Variants in SENP2 observed in about 807,000 individuals in gnomAD.
SENP2 encodes the protein SUMO specific peptidase 2.
A neutral mutation model predicts 86.3 loss-of-function variants in SENP2; 16 were observed. That is an observed-to-expected ratio of 0.19 (90% CI 0.13 to 0.28). The LOEUF is 0.28. SENP2 is among the 10% of genes least tolerant of loss of function. SENP2 has a pLI of 1.00. For synonymous variants in SENP2, 222 were observed against 238.7 expected (o/e 0.93, Z 0.64); for missense variants, 552 against 703.0 (o/e 0.79, Z 2.43).
chr3:185,586,438 C>T lies in SENP2; in HGVS notation c.25C>T (p.Leu9Phe). Reference sequence around the variant, plus strand: ...TATGTACAGATGGCTGGTTAGGATTCTCGGCACCATTTTCCGTTTCTGCGA... The same window carrying T: ...TATGTACAGATGGCTGGTTAGGATTTTCGGCACCATTTTCCGTTTCTGCGA... The part of the protein sequence containing the change: MYRWLVRI[L>F]GTIFRFCDRS... Residue 9 changes from leucine to phenylalanine, a missense_variant, in exon 1 of 17, where the codon CTC becomes TTC. By Grantham distance (22) the Leu-to-Phe change is conservative. Around this residue, in one of 2 missense-constraint regions of SENP2, gnomAD observed 383 missense variants for 427.3 expected, o/e 0.90. Transcript: ENST00000296257. This position sits in a 1 kb window ranked among gnomAD's most constrained non-coding sequence, Gnocchi z 4.3. 6 of 1,614,104 alleles carry T rather than the reference C, an allele frequency of 3.7e-6. No homozygotes were observed. Among genetic ancestry groups the T allele is most frequent in the Non-Finnish European group, 5.1e-6 (6 of 1,180,000 alleles).
intron 2 of SENP2, among the ~76,000 whole-genome samples, chr3:185,594,636 T>C (rs1722116996): frequency 1.4e-5 from 2 of 148,004 alleles, no homozygotes; most frequent in Non-Finnish European, 3.0e-5. Flanking sequence ...TTTTTTTTTT[T>C]TGGGACAGAG....
chr3:185,588,034 C>T (rs1481642097), intron 1 of SENP2, among the ~76,000 whole-genome samples: 2 of 147,162 alleles, frequency 1.4e-5, no homozygotes, highest in Non-Finnish European at 3.0e-5. Context: ...CCACAGCGCC[C>T]GGCCACTACC....
At chr3:185,604,349 T>C (rs1722442735) in intron 5 of SENP2, among the ~76,000 whole-genome samples, 1 of 152,206 alleles carries the variant, frequency 6.6e-6, no homozygotes, top group African/African-American at 2.4e-5. Flanking sequence ...TGGCCTAGAG[T>C]ATGGTCCAGT....
intron 6 of SENP2, 139 bp downstream of exon 6, chr3:185,606,637 G>A (rs1161063638): frequency 3.9e-6 from 3 of 765,888 alleles, no homozygotes; most frequent in Non-Finnish European, 6.1e-6. Context: ...ACAAAATGAG[G>A]CTGTCTTAAA....
chr3:185,614,371 G>A, intron 10 of SENP2, 193 bp from the exon 11 acceptor site: 1 of 540,932 alleles, frequency 1.8e-6, no homozygotes, highest in South Asian at 2.9e-5. Flanking sequence ...TGAGGGTCCT[G>A]TGAGGCCTAG....
At chr3:185,598,271 G>A (rs1722239397) in intron 2 of SENP2, 141 bp from the exon 3 acceptor site, 1 of 857,654 alleles carries the variant, frequency 1.2e-6, no homozygotes, top group Non-Finnish European at 1.8e-6. Context: ...CTCCCAAAGT[G>A]TTGGGATTAC....
At chr3:185,589,026 A>G (rs1333419723) in intron 1 of SENP2, among the ~76,000 whole-genome samples, 2 of 152,190 alleles carry the variant, frequency 1.3e-5, no homozygotes, top group African/African-American at 2.4e-5. Flanking sequence ...GCTTGTTGGA[A>G]TGTATAAAGT....
chr3:185,598,387 T>G, intron 2 of SENP2, 25 bp from the exon 3 acceptor site: 1 of 1,608,316 alleles, frequency 6.2e-7, no homozygotes, highest in Non-Finnish European at 8.5e-7. Flanking sequence ...TTACTTTATA[T>G]TTACAGTTTG....
chr3:185,591,429 G>A (rs1721993733), intron 2 of SENP2, among the ~76,000 whole-genome samples: 1 of 151,978 alleles, frequency 6.6e-6, no homozygotes, highest in Non-Finnish European at 1.5e-5. Context: ...TCGACTCACT[G>A]CAACCTCCAC....
Position 185,596,307 on chromosome 3 carries a change from T to A in SENP2, c.158-2105T>A, listed in dbSNP as rs576595755. 1.1e-4 allele frequency among the ~76,000 whole-genome samples: 16 copies of A among 152,240 alleles called. No individual in the cohort carries two copies. In the East Asian group the frequency reaches 3.1e-3, roughly 30 times the overall value. The stretch of plus-strand genomic sequence containing the variant: ...CTCCACTAGAGGGATAGTCTTGTTC[T>A]ATCTTAGATGTTTAAAAGCTGCATA... On this transcript the variant is annotated intron_variant, in intron 2 of 16. Transcript: ENST00000296257.
At position 185,629,771 on chromosome 3, in the gene SENP2, G is replaced by A. The variant is rs370741390; in HGVS notation, c.1708-11G>A. 8 of 1,613,980 alleles carry A rather than the reference G, an allele frequency of 5.0e-6. No homozygotes were observed. Among genetic ancestry groups the A allele is most frequent in the Non-Finnish European group, 5.9e-6 (7 of 1,179,972 alleles). On this transcript the variant is annotated splice_polypyrimidine_tract_variant and intron_variant, in intron 16 of 16. Transcript: ENST00000296257. ...ATGTAATGCGGGCGTTGTTTATGGGGTTCTTTGCAGCACCAGATGCCTCTC... is the reference window on the plus strand; with the variant it reads ...ATGTAATGCGGGCGTTGTTTATGGGATTCTTTGCAGCACCAGATGCCTCTC...
At chr3:185,622,815 TG>T (rs1560201179) in intron 14 of SENP2, among the ~76,000 whole-genome samples, 7 of 146,940 alleles carry the variant, frequency 4.8e-5, no homozygotes, top group African/African-American at 1.5e-4. Context: ...ATTACATTCA[TG>T]CTTTTTTTTT....
At chr3:185,624,616 T>C (rs910004988) in intron 15 of SENP2, among the ~76,000 whole-genome samples, 6 of 151,954 alleles carry the variant, frequency 3.9e-5, no homozygotes, top group Admixed American at 2.6e-4. Flanking sequence ...TGGCTCACAC[T>C]TGTAATCCCA....
intron 9 of SENP2, among the ~76,000 whole-genome samples, 173 bp downstream of exon 9, chr3:185,612,831 C>A (rs551899499): frequency 3.3e-5 from 5 of 152,326 alleles, no homozygotes; most frequent in African/African-American, 1.2e-4. Flanking sequence ...CCCACCCTAG[C>A]CTGGTGGGTT....
chr3:185,597,919 G>T (rs1722228428), intron 2 of SENP2, among the ~76,000 whole-genome samples: 1 of 152,234 alleles, frequency 6.6e-6, no homozygotes, highest in Non-Finnish European at 1.5e-5. Flanking sequence ...CTCCCAAAGT[G>T]CTGGGATTAC....
intron 5 of SENP2, among the ~76,000 whole-genome samples, chr3:185,602,542 A>G (rs891388837): frequency 2.0e-5 from 3 of 152,166 alleles, no homozygotes; most frequent in African/African-American, 7.2e-5. Flanking sequence ...AAGGAATGAT[A>G]AAATTAGAAA....
intron 13 of SENP2, among the ~76,000 whole-genome samples, chr3:185,621,230 C>CAAA (rs535814173): frequency 1.0e-4 from 7 of 67,214 alleles, no homozygotes; most frequent in South Asian, 5.8e-4. Context: ...ATAAAGAAAG[C>CAAA]AAAAAAAAAA....
chr3:185,630,001 C>A lies in SENP2; in HGVS notation c.*157C>A. The A allele has an allele frequency of 1.4e-6, 1 of 689,678 alleles. No homozygotes were observed. The highest frequency in any genetic ancestry group is 2.2e-5 in the Admixed American group (1 of 44,524). 42.7% of individuals were successfully genotyped at this position (689,678 alleles called of 1,614,324 possible). A position where few individuals can be genotyped will look rare whatever the true frequency, so the allele number is the denominator to read the frequency against. On this transcript the variant is annotated 3_prime_UTR_variant, in exon 17 of 17. Transcript: ENST00000296257. The stretch of plus-strand genomic sequence containing the variant: ...GAAGGCCTCTCACTGTACTCTAGTC[C>A]TGACTTGGGGTGCAGAGGGCTGCTT...
Position 185,622,339 on chromosome 3 carries a change from A to G in SENP2, c.1526+434A>G, listed in dbSNP as rs190740177. On this transcript the variant is annotated intron_variant, in intron 14 of 16. Coordinates refer to ENST00000296257, the MANE Select transcript of SENP2 (RefSeq NM_021627.3). The stretch of plus-strand genomic sequence containing the variant: ...GAGACTGTTTCAAATAGTAATTGCT[A>G]TAATAGAAACCAATCTTTAAAGCAT... Among the ~76,000 whole-genome samples the G allele has an allele frequency of 1.1e-4, 17 of 152,310 alleles. No homozygotes were observed. The East Asian group carries it at 1.4e-3, about 12-fold the overall frequency.
Sources: gnomAD v4.1 joint callset for allele counts (sites outside exome capture counted in the v4.1 genomes callset) on GRCh38, gnomAD v4.1.1 for gene constraint, gnomAD v4.1.1 regional missense constraint, Gnocchi (gnomAD v3.1) non-coding constraint, MANE v1.5 for transcripts, NCBI Gene and HGNC (gene_info 2026-07-23, HGNC 2026-07-21) for gene names.